The following ZNF618 variants were observed in gnomAD, a reference collection of about 807,000 sequenced individuals.
ZNF618 encodes the protein zinc finger protein 618.
A neutral mutation model predicts 103.0 loss-of-function variants in ZNF618; 34 were observed. The ratio of observed to expected loss-of-function variants is 0.33; its 90% CI spans 0.25 to 0.44. ZNF618 has a LOEUF of 0.44. Among genes scored for constraint, ZNF618 ranks in the 20% least tolerant of loss-of-function variants. The probability of loss-of-function intolerance (pLI) is 1.00; values close to 1 mark genes in which losing one functional copy is unlikely to be tolerated. For missense variants in ZNF618, 1,059 were observed against 1,295.4 expected (o/e 0.82, Z 2.80); for synonymous variants, 551 against 542.2 (o/e 1.02, Z -0.23).
intron 13 of ZNF618, 54 bp from the exon 14 acceptor site, chr9:114,047,839 C>G: frequency 6.7e-7 from 1 of 1,488,012 alleles, no homozygotes; most frequent in Non-Finnish European, 9.2e-7. Context: ...CATCTCGTTC[C>G]TCAACAGGCC....
intron 1 of ZNF618, among the ~76,000 whole-genome samples, chr9:113,906,000 CATT>C (rs1278320653): frequency 6.6e-6 from 1 of 152,114 alleles, no homozygotes; most frequent in African/African-American, 2.4e-5. Flanking sequence ...GTCTAAAAAT[CATT>C]GTTTGATATA....
intron 14 of ZNF618, 48 bp downstream of exon 14, chr9:114,048,042 A>C: frequency 6.8e-7 from 1 of 1,477,068 alleles, no homozygotes. Flanking sequence ...CTTATGCTCC[A>C]GTTGTTCCTC....
chr9:114,016,376 C>T (rs1842649209), intron 9 of ZNF618, among the ~76,000 whole-genome samples: 1 of 152,042 alleles, frequency 6.6e-6, no homozygotes, highest in Admixed American at 6.6e-5. Flanking sequence ...TGGGGTGGAG[C>T]GATGTGCCAG....
In ZNF618 at chr9:114,049,858, G is replaced by A; in HGVS notation, c.2556G>A (p.Lys852=). 1 of 1,613,960 alleles carries A rather than the reference G, an allele frequency of 6.2e-7. No homozygotes were observed. Among genetic ancestry groups the A allele is most frequent in the Non-Finnish European group, 8.5e-7 (1 of 1,179,908 alleles). ...EEADFEPAAK[K]PRSAAVENPA... ...CCGACTTCGAGCCCGCTGCCAAGAA[G>A]CCCCGCTCTGCTGCCGTCGAGAACC... The change falls in exon 15 of 15, where the codon AAG becomes AAA. Residue 852 remains lysine (K), a synonymous_variant. Coordinates refer to ENST00000374126, the MANE Select transcript of ZNF618 (RefSeq NM_001318042.2).
chr9:114,022,671 A>C (rs142932397), intron 10 of ZNF618, among the ~76,000 whole-genome samples: 1 of 150,352 alleles, frequency 6.7e-6, no homozygotes, highest in African/African-American at 2.5e-5. Context: ...TGCTGTTCAA[A>C]TCTCTATACT....
At chr9:113,895,777 T>C (rs1440564270) in intron 1 of ZNF618, among the ~76,000 whole-genome samples, 1 of 152,122 alleles carries the variant, frequency 6.6e-6, no homozygotes, top group African/African-American at 2.4e-5. Flanking sequence ...GAATGATTTA[T>C]ATTGCACGGG....
At chr9:114,031,466 T>G (rs955748735) in intron 11 of ZNF618, among the ~76,000 whole-genome samples, 2 of 152,230 alleles carry the variant, frequency 1.3e-5, no homozygotes, top group Non-Finnish European at 1.5e-5. Context: ...AGGCACTGCC[T>G]CTGGCTTCCT....
chr9:114,026,656 G>A (rs528192084), intron 10 of ZNF618, among the ~76,000 whole-genome samples: 2 of 152,248 alleles, frequency 1.3e-5, no homozygotes, highest in Non-Finnish European at 2.9e-5. Context: ...CACTAACTTT[G>A]TGTGTTGCCA....
intron 10 of ZNF618, 59 bp downstream of exon 10, chr9:114,016,843 C>A: frequency 7.1e-7 from 1 of 1,407,664 alleles, no homozygotes; most frequent in Non-Finnish European, 9.9e-7. Context: ...GGTGGGCCAG[C>A]CGTTGGCCAG....
intron 1 of ZNF618, among the ~76,000 whole-genome samples, chr9:113,925,561 A>G (rs551644332): frequency 1.7e-4 from 25 of 149,696 alleles, no homozygotes; most frequent in African/African-American, 5.9e-4. Flanking sequence ...ATTGTTTTCT[A>G]TTTGTTGCCC....
At chr9:113,890,654 G>T (rs1402793306) in intron 1 of ZNF618, among the ~76,000 whole-genome samples, 1 of 152,202 alleles carries the variant, frequency 6.6e-6, no homozygotes, top group East Asian at 1.9e-4. Flanking sequence ...GACCATGGTG[G>T]ATTTTTATTC....
At chr9:113,926,474 T>C (rs978508949) in intron 1 of ZNF618, among the ~76,000 whole-genome samples, 2 of 152,102 alleles carry the variant, frequency 1.3e-5, no homozygotes, top group Non-Finnish European at 2.9e-5. Flanking sequence ...CTGTTTTTTC[T>C]TTCTTTTCTT....
chr9:113,889,424 T>G (rs1425988511), intron 1 of ZNF618, among the ~76,000 whole-genome samples: 1 of 151,876 alleles, frequency 6.6e-6, no homozygotes, highest in East Asian at 2.0e-4. Context: ...CGTGGCGTCT[T>G]GAGGCTGCAA....
At chr9:113,907,396 C>T (rs1831079569) in intron 1 of ZNF618, among the ~76,000 whole-genome samples, 1 of 152,140 alleles carries the variant, frequency 6.6e-6, no homozygotes, top group Non-Finnish European at 1.5e-5. Context: ...CTGCTTGGCC[C>T]CTGCCCTGGT....
chr9:114,004,009 G>A (rs907839364), intron 6 of ZNF618, among the ~76,000 whole-genome samples: 5 of 152,060 alleles, frequency 3.3e-5, no homozygotes, highest in Admixed American at 6.5e-5. Context: ...GCCAATCCCC[G>A]TTCTATGGGT....
chr9:114,023,636 C>G (rs953475399), intron 10 of ZNF618, among the ~76,000 whole-genome samples: 1 of 152,112 alleles, frequency 6.6e-6, no homozygotes. Context: ...CTTCCTTTAA[C>G]ATTTCTTATA....
In ZNF618 at chr9:114,036,403, C is replaced by T. The variant is rs532046811; in HGVS notation, c.1246+26C>T. The stretch of plus-strand genomic sequence containing the variant: ...GTAAGTAGGATACGGCTTCTCTCCC[C>T]CTCTCCTTCCTCAGTTCCTGCAAAT... On this transcript the variant is annotated intron_variant, in intron 13 of 14. Coordinates refer to ENST00000374126, the MANE Select transcript of ZNF618 (RefSeq NM_001318042.2). 4 of 1,555,480 alleles carry T rather than the reference C, an allele frequency of 2.6e-6. No individual in the cohort carries two copies. The African/African-American group carries it at 4.1e-5, about 16-fold the overall frequency.
At chr9:113,923,147 A>G (rs1026516119) in intron 1 of ZNF618, among the ~76,000 whole-genome samples, 2 of 152,202 alleles carry the variant, frequency 1.3e-5, no homozygotes, top group Non-Finnish European at 2.9e-5. Flanking sequence ...GTATCCTGCA[A>G]GCTTCCTATA....
At chr9:113,881,508 T>C (rs1828512014) in intron 1 of ZNF618, among the ~76,000 whole-genome samples, 1 of 152,246 alleles carries the variant, frequency 6.6e-6, no homozygotes, top group Non-Finnish European at 1.5e-5. Flanking sequence ...AAATTATTAA[T>C]GTGACAAGTT....
Sources: allele counts gnomAD v4.1 joint callset (sites outside exome capture counted in the v4.1 genomes callset), GRCh38; gene constraint gnomAD v4.1.1; transcripts MANE v1.5; gene names NCBI Gene and HGNC (gene_info 2026-07-23, HGNC 2026-07-21).